The following FLT1 variants were observed in gnomAD, a reference collection of about 807,000 sequenced individuals.
FLT1 encodes fms related receptor tyrosine kinase 1, also known as vascular endothelial growth factor receptor 1.
A neutral mutation model predicts 156.3 loss-of-function variants in FLT1; 49 were observed. The ratio of observed to expected loss-of-function variants is 0.31; its 90% CI spans 0.25 to 0.40. The LOEUF (loss-of-function observed/expected upper bound fraction) is 0.40, where lower values mean the gene tolerates loss of function less well. Ranked by LOEUF, FLT1 falls within the 10% of genes least tolerant of loss-of-function variation. FLT1 has a pLI of 1.00. For synonymous variants in FLT1, 594 were observed against 583.8 expected (o/e 1.02, Z -0.25); for missense variants, 1,322 against 1,637.2 (o/e 0.81, Z 3.32).
At chr13:28,364,584 T>A (rs1873221087) in intron 14 of FLT1, among the ~76,000 whole-genome samples, 2 of 152,172 alleles carry the variant, frequency 1.3e-5, no homozygotes, top group Admixed American at 1.3e-4. Flanking sequence ...TGACCTAGAT[T>A]TTCTTTTGGG....
intron 12 of FLT1, 130 bp from the exon 13 acceptor site, chr13:28,390,234 G>T: frequency 8.1e-7 from 1 of 1,238,226 alleles, no homozygotes; most frequent in Non-Finnish European, 1.1e-6. Flanking sequence ...TGAGTATTTG[G>T]GGTAAATGAG....
chr13:28,308,811 G>A (rs9579177), intron 28 of FLT1, 32 bp downstream of exon 28: 999,393 of 1,276,242 alleles, frequency 0.78, 400,304 homozygotes, highest in East Asian at 1. Flanking sequence ...GGTCTATCGG[G>A]GTGCACTAGG....
intron 15 of FLT1, among the ~76,000 whole-genome samples, chr13:28,355,078 C>G (rs775981573): frequency 1.3e-5 from 2 of 152,228 alleles, no homozygotes; most frequent in Middle Eastern, 3.4e-3. Flanking sequence ...TGAAAGAGTG[C>G]TTTTGCTCAA....
At chr13:28,393,332 C>G (rs1038810285) in intron 12 of FLT1, among the ~76,000 whole-genome samples, 3 of 152,154 alleles carry the variant, frequency 2.0e-5, no homozygotes, top group Non-Finnish European at 4.4e-5. Flanking sequence ...AAGGGACAAG[C>G]ATAGGAATTT....
intron 1 of FLT1, among the ~76,000 whole-genome samples, chr13:28,474,354 G>GC (rs1297916498): frequency 6.6e-5 from 10 of 152,200 alleles, no homozygotes; most frequent in Admixed American, 2.6e-4. Context: ...TACCTGGGAG[G>GC]CTGAGGCATG....
intron 1 of FLT1, among the ~76,000 whole-genome samples, chr13:28,473,907 A>G (rs1880395540): frequency 6.6e-6 from 1 of 152,232 alleles, no homozygotes; most frequent in African/African-American, 2.4e-5. Context: ...AAAATATGGC[A>G]GATCCTTACA....
At chr13:28,469,642 T>C (rs944452470) in intron 1 of FLT1, among the ~76,000 whole-genome samples, 10 of 152,146 alleles carry the variant, frequency 6.6e-5, no homozygotes, top group Non-Finnish European at 1.0e-4. Flanking sequence ...TCACTTCCCC[T>C]CCCCCTGCTT....
At chr13:28,402,022 C>T (rs931115461) in intron 11 of FLT1, among the ~76,000 whole-genome samples, 3 of 152,128 alleles carry the variant, frequency 2.0e-5, no homozygotes, top group Non-Finnish European at 4.4e-5. Context: ...TTAGACAATA[C>T]GAAAGTGCAC....
At chr13:28,394,732 A>G (rs1361382220) in intron 12 of FLT1, among the ~76,000 whole-genome samples, 8 of 152,114 alleles carry the variant, frequency 5.3e-5, no homozygotes, top group Non-Finnish European at 1.5e-5. Flanking sequence ...CACAATGTGA[A>G]GAGTTTATGG....
chr13:28,303,916 C>T (rs1870627406), intron 29 of FLT1, among the ~76,000 whole-genome samples: 1 of 152,090 alleles, frequency 6.6e-6, no homozygotes, highest in African/African-American at 2.4e-5. Context: ...GAAGAGGAAA[C>T]GTTTTAGTCA....
At chr13:28,366,198 T>C (rs1462821521) in intron 14 of FLT1, among the ~76,000 whole-genome samples, 2 of 152,140 alleles carry the variant, frequency 1.3e-5, no homozygotes, top group Admixed American at 1.3e-4. Context: ...AATAAAAACA[T>C]GGATGCAAGA....
chr13:28,479,712 G>C (rs1211058396), intron 1 of FLT1, among the ~76,000 whole-genome samples: 1 of 152,190 alleles, frequency 6.6e-6, no homozygotes, highest in Non-Finnish European at 1.5e-5. Context: ...ACCCATAGAA[G>C]ACTTTAGCGT....
chr13:28,322,170 A>G lies in FLT1; in HGVS notation c.3051+92T>C. 1.2e-6 allele frequency: 1 copy of G among 831,824 alleles called. No individual in the cohort carries two copies. The allele number at this position is 831,824 out of a possible 1,614,324, so 51.5% of individuals were successfully genotyped here. A position where few individuals can be genotyped will look rare whatever the true frequency, so the allele number is the denominator to read the frequency against. ...GTGTTTGTTCTACATTTAAGAACAT[A>G]GGTATCAGCAAATACTAGGAAAAAT... On this transcript the variant is annotated intron_variant, in intron 22 of 29. Transcript: ENST00000282397. The surrounding 1 kb of genome is among the most constrained non-coding windows in gnomAD (Gnocchi z 4.3).
At chr13:28,488,480 A>AAAGC (rs113155996) in intron 1 of FLT1, among the ~76,000 whole-genome samples, 1 of 151,298 alleles carries the variant, frequency 6.6e-6, no homozygotes, top group Admixed American at 6.6e-5. Flanking sequence ...TTTTAATGAA[A>AAAGC]AAACAAACAA....
intron 13 of FLT1, among the ~76,000 whole-genome samples, chr13:28,385,349 G>C (rs567256981): frequency 6.6e-6 from 1 of 152,256 alleles, no homozygotes; most frequent in Non-Finnish European, 1.5e-5. Context: ...CAAGGATTTT[G>C]CATAATAGTT....
chr13:28,355,483 A>G (rs1038457414), intron 15 of FLT1, among the ~76,000 whole-genome samples: 4 of 152,220 alleles, frequency 2.6e-5, no homozygotes, highest in Non-Finnish European at 4.4e-5. Flanking sequence ...ATAATAATAA[A>G]AGGCAGAATA....
chr13:28,465,758 C>G (rs1879812881), intron 3 of FLT1, among the ~76,000 whole-genome samples: 1 of 152,140 alleles, frequency 6.6e-6, no homozygotes, highest in South Asian at 2.1e-4. Context: ...CAGGAGTAAT[C>G]GCTTGCCCCT....
chr13:28,376,080 G>A (rs899115550), intron 14 of FLT1, among the ~76,000 whole-genome samples: 24 of 152,154 alleles, frequency 1.6e-4, no homozygotes, highest in Admixed American at 1.6e-3. Context: ...GGTTCCTTAA[G>A]ATCTTTCCTG....
intron 1 of FLT1, among the ~76,000 whole-genome samples, chr13:28,476,686 T>C (rs1319395453): frequency 6.6e-6 from 1 of 152,172 alleles, no homozygotes; most frequent in Admixed American, 6.5e-5. Context: ...AAAGTCTGAA[T>C]AGAAAATTCA....
Sources: gnomAD v4.1 joint callset for allele counts (sites outside exome capture counted in the v4.1 genomes callset) on GRCh38, gnomAD v4.1.1 for gene constraint, Gnocchi (gnomAD v3.1) non-coding constraint, MANE v1.5 for transcripts, NCBI Gene and HGNC (gene_info 2026-07-23, HGNC 2026-07-21) for gene names.